PAX8: variants seen among roughly 807,000 people sequenced by gnomAD.
PAX8 encodes paired box 8.
A neutral mutation model predicts 52.4 loss-of-function variants in PAX8; 15 were observed. That is an observed-to-expected ratio of 0.29 (90% confidence interval 0.19 to 0.44). The LOEUF is 0.44. PAX8 is among the 20% of genes least tolerant of loss of function. The probability of loss-of-function intolerance (pLI) is 1.00; values close to 1 mark genes in which losing one functional copy is unlikely to be tolerated. For synonymous variants in PAX8, 284 were observed against 249.7 expected, an observed-to-expected ratio of 1.14 and a Z score of -1.29; for missense variants, 554 against 602.5, an observed-to-expected ratio of 0.92 and a Z score of 0.84.
At chr2:113,271,878 G>A (rs764440108) in intron 2 of PAX8, 1 of 151,774 alleles carries the variant, frequency 6.6e-6, no homozygotes, top group Non-Finnish European at 1.5e-5. Context: ...ATGAGATGAT[G>A]AATACATCTG....
chr2:113,226,446 T>G, intron 10 of PAX8: 1 of 988,044 alleles, frequency 1.0e-6, no homozygotes. Flanking sequence ...TCTTCATTTG[T>G]CCAGACCTTG....
chr2:113,243,954 T>TTG (rs1488469776), intron 4 of PAX8, among the ~76,000 whole-genome samples: 1 of 152,240 alleles, frequency 6.6e-6, no homozygotes, highest in African/African-American at 2.4e-5. Context: ...AAGATGGGCT[T>TTG]TGTGTGTCCC....
At chr2:113,244,989 A>C (rs1322469730) in intron 3 of PAX8, among the ~76,000 whole-genome samples, 1 of 151,874 alleles carries the variant, frequency 6.6e-6, no homozygotes, top group Admixed American at 6.6e-5. Flanking sequence ...TGACAGGGGC[A>C]CAGCAGTTTG....
rs144905049 is a variant in PAX8 at position 113,257,359 on chromosome 2, C to G, written c.26-10440G>C. On this transcript the variant is annotated intron_variant, in intron 2 of 11. Coordinates refer to ENST00000429538, the MANE Select transcript of PAX8 (RefSeq NM_003466.4). ...GGGCTCTGTTTCCCTGGTGGGGTGT[C>G]TATGCTCTTTAATGCATCCCAGGAG... 1.3e-3 allele frequency among the ~76,000 whole-genome samples: 204 copies of G among 152,270 alleles called. 1 individual carries two copies. In the East Asian group the frequency reaches 0.016, roughly 12 times the overall value.
intron 2 of PAX8, among the ~76,000 whole-genome samples, chr2:113,257,519 C>T (rs1449633187): frequency 6.6e-6 from 1 of 152,176 alleles, no homozygotes; most frequent in African/African-American, 2.4e-5. Flanking sequence ...CTTAGATCAG[C>T]CCAGAGGGTG....
rs114518391 is a variant in PAX8 at position 113,277,991 on chromosome 2, G to A, written c.25+379C>T. Reference sequence around the variant, plus strand: ...ACCCGAGGAAGAGGACTTAGAGGTCGGGGACGGGGAAACGGCAAGTCCAGC... The same window carrying A: ...ACCCGAGGAAGAGGACTTAGAGGTCAGGGACGGGGAAACGGCAAGTCCAGC... On this transcript the variant is annotated intron_variant, in intron 2 of 11. Transcript: ENST00000429538. 4.8e-3 allele frequency among the ~76,000 whole-genome samples: 729 copies of A among 152,328 alleles called. 6 individuals carry two copies. The highest frequency in any genetic ancestry group is 0.016 in the African/African-American group (677 of 41,566).
intron 2 of PAX8, chr2:113,273,546 T>C (rs1426689911): frequency 6.6e-6 from 1 of 152,250 alleles, no homozygotes; most frequent in Non-Finnish European, 1.5e-5. Flanking sequence ...TTGGGATTTC[T>C]CACAAAATAG....
At chr2:113,278,673 C>T in intron 1 of PAX8, 158 bp downstream of exon 1, 1 of 639,260 alleles carries the variant, frequency 1.6e-6, no homozygotes, top group Non-Finnish European at 2.6e-6. Flanking sequence ...TGAAGAAGCT[C>T]CAGACTCCAA....
At chr2:113,221,085 C>G (rs1689248886) in intron 10 of PAX8, among the ~76,000 whole-genome samples, 1 of 152,126 alleles carries the variant, frequency 6.6e-6, no homozygotes, top group Admixed American at 6.5e-5. Context: ...CAAGACTACC[C>G]CATGAGGTAC....
rs755162340 is a variant in PAX8, at chr2:113,241,698, A to G, written c.630T>C (p.Ile210=). 2 of 1,614,136 alleles carry G rather than the reference A, an allele frequency of 1.2e-6. No homozygotes were observed. The highest frequency in any genetic ancestry group is 2.2e-5 in the South Asian group (2 of 91,086). ...GTCCGCTGCTGCTGCTCTGTGAGTC[A>G]ATGCTTAGTCGGCAGCTATCCTGAT... The part of the protein sequence containing the change: ...DSDQDSCRLS[I]DSQSSSSGPR... Residue 210 remains isoleucine (I), a synonymous_variant, in exon 7 of 12, where the codon ATT becomes ATC. Transcript: ENST00000429538.
chr2:113,235,590 A>T lies in PAX8; in HGVS notation c.899-8T>A. On this transcript the variant is annotated splice_polypyrimidine_tract_variant and splice_region_variant and intron_variant, in intron 8 of 11. Transcript: ENST00000429538. Reference sequence around the variant, plus strand: ...CGAAGGGTGAGTGAGGATCTGCCGGAGGGAGGGAGACAACAAGGAGAGAGG... The same window carrying T: ...CGAAGGGTGAGTGAGGATCTGCCGGTGGGAGGGAGACAACAAGGAGAGAGG... 1 of 1,603,048 alleles carries T rather than the reference A, an allele frequency of 6.2e-7. No homozygotes were observed. Among genetic ancestry groups the T allele is most frequent in the Non-Finnish European group, 8.5e-7 (1 of 1,172,722 alleles).
Position 113,278,876 on chromosome 2 carries a change from G to A in PAX8, c.-121C>T. 9.4e-7 allele frequency: 1 copy of A among 1,058,680 alleles called. No individual in the cohort carries two copies. Among genetic ancestry groups the A allele is most frequent in the Non-Finnish European group, 1.1e-6 (1 of 874,124 alleles). The allele number at this position is 1,058,680 out of a possible 1,614,324, so 65.6% of individuals were successfully genotyped here. On this transcript the variant is annotated 5_prime_UTR_variant, in exon 1 of 12. Transcript: ENST00000429538. ...CCTCACTGCTTGGGTCCGCCCGCGAGGGTGCCCTGGGCCCGGTGTCTCTCC... is the reference window on the plus strand; with the variant it reads ...CCTCACTGCTTGGGTCCGCCCGCGAAGGTGCCCTGGGCCCGGTGTCTCTCC...
rs748307374 is a variant in PAX8, at chr2:113,227,246, C to T, written c.1098G>A (p.Met366Ile). Reference sequence around the variant, plus strand: ...GGTATCCGGGCAGCGTGGGCCCCACCATCTCTCGCCCTGGAAAAATACAGC... The same window carrying T: ...GGTATCCGGGCAGCGTGGGCCCCACTATCTCTCGCCCTGGAAAAATACAGC... ...TGQALLSGRE[M>I]VGPTLPGYPP... is the part of the protein sequence containing the mutation. The change falls in exon 10 of 12, where the codon ATG (methionine) becomes ATA (isoleucine). Residue 366 changes from methionine (M) to isoleucine (I), a missense_variant. By Grantham distance (10) the Met-to-Ile change is conservative (BLOSUM62 1). Around this residue, in one of 2 missense-constraint regions of PAX8, gnomAD observed 445 missense variants for 409.9 expected, o/e 1.09. Coordinates refer to ENST00000429538, the MANE Select transcript of PAX8 (RefSeq NM_003466.4). The T allele has an allele frequency of 6.2e-7, 1 of 1,608,898 alleles. No individual in the cohort carries two copies. The highest frequency in any genetic ancestry group is 1.3e-5 in the African/African-American group (1 of 74,866).
At chr2:113,226,641 C>G in intron 10 of PAX8, 1 of 1,096,574 alleles carries the variant, frequency 9.1e-7, no homozygotes, top group African/African-American at 1.6e-5. Context: ...AGATGTGAAG[C>G]ATATATTTCA....
chr2:113,230,902 T>C (rs1689850923), intron 9 of PAX8, among the ~76,000 whole-genome samples: 1 of 152,204 alleles, frequency 6.6e-6, no homozygotes, highest in Non-Finnish European at 1.5e-5. Context: ...CTTTCCAACG[T>C]GGTCCTATTT....
intron 2 of PAX8, among the ~76,000 whole-genome samples, chr2:113,258,637 A>G (rs987036237): frequency 1.3e-5 from 2 of 152,164 alleles, no homozygotes; most frequent in Admixed American, 1.3e-4. Flanking sequence ...TTATTCTTGT[A>G]TTAGCATTGA....
Position 113,235,454 on chromosome 2 carries a change from T to C in PAX8, c.1027A>G (p.Asn343Asp), listed in dbSNP as rs1690202672. The C allele has an allele frequency of 1.9e-6, 3 of 1,611,224 alleles. No individual in the cohort carries two copies. The highest frequency in any genetic ancestry group is 1.7e-4 in the Middle Eastern group (1 of 6,058). Residue 343 changes from asparagine to aspartate, a missense_variant, in exon 9 of 12, where the codon AAT becomes GAT. Physicochemically the swap from Asn to Asp is conservative, Grantham distance 23 (BLOSUM62 1). This residue lies in a region of PAX8 where 445 missense variants were observed against 409.9 expected (regional missense o/e 1.09). Coordinates refer to ENST00000429538, the MANE Select transcript of PAX8 (RefSeq NM_003466.4). ...ACGGAGGCAGCATGGGGAAAGGCAT[T>C]GAAGGGCGGGACCCCGGAGCCGACT... ...QQVGSGVPPF[N>D]AFPHAASVYG...
At chr2:113,274,821 T>A (rs1693690848) in intron 2 of PAX8, 1 of 152,210 alleles carries the variant, frequency 6.6e-6, no homozygotes, top group African/African-American at 2.4e-5. Context: ...ACAAAAATTA[T>A]TTACACAGCA....
intron 9 of PAX8, chr2:113,230,653 T>A (rs975906321): frequency 2.0e-5 from 3 of 152,210 alleles, no homozygotes; most frequent in Non-Finnish European, 4.4e-5. Flanking sequence ...ACCCAGACTA[T>A]GGCACAATAA....
Sources: allele counts gnomAD v4.1 joint callset (sites outside exome capture counted in the v4.1 genomes callset), GRCh38; gene constraint gnomAD v4.1.1; regional missense constraint gnomAD v4.1.1; transcripts MANE v1.5; gene names NCBI Gene and HGNC (gene_info 2026-07-23, HGNC 2026-07-21).